Variants in MTUS2 observed in about 807,000 individuals in gnomAD.
MTUS2 encodes microtubule associated scaffold protein 2, also known as microtubule-associated tumor suppressor candidate 2.
In MTUS2, 40 loss-of-function variants were observed where a neutral mutation model predicts 114.1. The ratio of observed to expected loss-of-function variants is 0.35; its 90% CI spans 0.27 to 0.46. The LOEUF (loss-of-function observed/expected upper bound fraction) is 0.46, where lower values mean the gene tolerates loss of function less well. MTUS2 is among the 20% of genes least tolerant of loss of function. The probability of loss-of-function intolerance (pLI) is 1.00; values close to 1 mark genes in which losing one functional copy is unlikely to be tolerated. For synonymous variants in MTUS2, 688 were observed against 672.0 expected (o/e 1.02, Z -0.37); for missense variants, 1,679 against 1,705.4 (o/e 0.98, Z 0.27).
chr13:29,368,677 C>T (rs1359777055), intron 8 of MTUS2, among the ~76,000 whole-genome samples: 1 of 152,206 alleles, frequency 6.6e-6, no homozygotes, highest in Non-Finnish European at 1.5e-5. Flanking sequence ...TACCATCCTG[C>T]ATCCCTCCAG....
chr13:29,031,269 T>TGTGTGTGTGTGTGTGTGTGTGTGTGTGG (rs1223710633), intron 3 of MTUS2, among the ~76,000 whole-genome samples: 1 of 128,100 alleles, frequency 7.8e-6, no homozygotes. Context: ...TGTGTGTGTG[T>TGTGTGTGTGTGTGTGTGTGTGTGTGTGG]GGTGTGTGTT....
intron 8 of MTUS2, among the ~76,000 whole-genome samples, chr13:29,360,497 A>G (rs1417613451): frequency 6.6e-6 from 1 of 152,096 alleles, no homozygotes; most frequent in African/African-American, 2.4e-5. Flanking sequence ...CCATTTATCA[A>G]TCTGTTGTGG....
chr13:28,995,567 T>C (rs1419479650), intron 2 of MTUS2, among the ~76,000 whole-genome samples: 2 of 152,120 alleles, frequency 1.3e-5, no homozygotes, highest in Non-Finnish European at 2.9e-5. Flanking sequence ...GTATACTCTT[T>C]TATTTCATTG....
At chr13:29,020,750 T>C (rs1886258282) in intron 2 of MTUS2, among the ~76,000 whole-genome samples, 1 of 152,128 alleles carries the variant, frequency 6.6e-6, no homozygotes. Flanking sequence ...TCTTTACAGC[T>C]TCTGCTTTCT....
chr13:29,110,268 A>G (rs1025042060), intron 5 of MTUS2, among the ~76,000 whole-genome samples: 2 of 152,220 alleles, frequency 1.3e-5, no homozygotes, highest in African/African-American at 4.8e-5. Context: ...TGCCTTTTCA[A>G]TATCTGTTGG....
chr13:29,180,493 A>G (rs1447555250), intron 5 of MTUS2, among the ~76,000 whole-genome samples: 1 of 152,224 alleles, frequency 6.6e-6, no homozygotes, highest in African/African-American at 2.4e-5. Flanking sequence ...AAGGTCACTC[A>G]ATTTGGAAAA....
chr13:28,984,674 C>T (rs1461980632), intron 2 of MTUS2, among the ~76,000 whole-genome samples: 1 of 152,190 alleles, frequency 6.6e-6, no homozygotes, highest in Non-Finnish European at 1.5e-5. Context: ...TAAAGGAGAT[C>T]CTCAATACTT....
chr13:29,137,169 A>G (rs1327671323), intron 5 of MTUS2, among the ~76,000 whole-genome samples: 2 of 152,154 alleles, frequency 1.3e-5, no homozygotes, highest in African/African-American at 2.4e-5. Flanking sequence ...CACATTGACT[A>G]TATCAACCCA....
chr13:29,050,722 GT>G (rs1396118539), intron 4 of MTUS2, among the ~76,000 whole-genome samples: 3 of 152,218 alleles, frequency 2.0e-5, no homozygotes, highest in Admixed American at 1.3e-4. Context: ...TCTGCCTCAT[GT>G]CTTGAAAAGC....
At chr13:29,412,132 C>G (rs888664780) in intron 8 of MTUS2, among the ~76,000 whole-genome samples, 1 of 152,196 alleles carries the variant, frequency 6.6e-6, no homozygotes, top group Non-Finnish European at 1.5e-5. Context: ...TGGTGGCAGA[C>G]AGTAGGAATC....
chr13:29,125,879 T>C (rs1326182234), intron 5 of MTUS2, among the ~76,000 whole-genome samples: 1 of 152,206 alleles, frequency 6.6e-6, no homozygotes, highest in African/African-American at 2.4e-5. Context: ...GTTTGAGGCA[T>C]CCCCTTACTG....
intron 2 of MTUS2, among the ~76,000 whole-genome samples, chr13:29,015,997 T>A (rs961258680): frequency 6.6e-6 from 1 of 152,122 alleles, no homozygotes; most frequent in Non-Finnish European, 1.5e-5. Context: ...CTCCGCCTCC[T>A]GGGTTCAAGC....
At chr13:28,909,627 G>A (rs1188398594) in intron 2 of MTUS2, among the ~76,000 whole-genome samples, 3 of 152,186 alleles carry the variant, frequency 2.0e-5, no homozygotes, top group Non-Finnish European at 4.4e-5. Context: ...ACAAGACAGG[G>A]ATGCCCTCTG....
intron 5 of MTUS2, among the ~76,000 whole-genome samples, chr13:29,235,394 A>T (rs992820297): frequency 1.3e-5 from 2 of 152,178 alleles, no homozygotes; most frequent in African/African-American, 4.8e-5. Flanking sequence ...CACCCGGCCA[A>T]TAATGGTAAT....
intron 2 of MTUS2, among the ~76,000 whole-genome samples, chr13:28,983,079 A>C (rs1884429586): frequency 6.6e-6 from 1 of 152,208 alleles, no homozygotes; most frequent in South Asian, 2.1e-4. Flanking sequence ...GAAAAATTCA[A>C]GGGGTGTGAG....
intron 2 of MTUS2, among the ~76,000 whole-genome samples, chr13:28,866,061 G>C (rs1211044378): frequency 6.6e-6 from 1 of 152,132 alleles, no homozygotes; most frequent in Non-Finnish European, 1.5e-5. Flanking sequence ...GGGGAGGGCT[G>C]TTCACTGATG....
At position 29,023,823 on chromosome 13, in the gene MTUS2, T is replaced by C. The variant is rs186961055; in HGVS notation, c.-242-634T>C. On this transcript the variant is annotated intron_variant, in intron 2 of 15. Coordinates refer to ENST00000612955, the MANE Select transcript of MTUS2 (RefSeq NM_001033602.4). ...TAAATTCTGGTTGAACATTAACTAC[T>C]GCATAGGTGATGTGTGGCCCTGAGA... Among the ~76,000 whole-genome samples, 135 of 152,342 alleles carry C rather than the reference T, an allele frequency of 8.9e-4. 1 individual carries two copies. The highest frequency in any genetic ancestry group is 3.0e-3 in the African/African-American group (125 of 41,572).
chr13:29,468,021 A>AGGT (rs1424181046), intron 9 of MTUS2, among the ~76,000 whole-genome samples: 1 of 151,920 alleles, frequency 6.6e-6, no homozygotes, highest in Non-Finnish European at 1.5e-5. Context: ...GTGGGAGATG[A>AGGT]GGTGGGAGGA....
intron 6 of MTUS2, among the ~76,000 whole-genome samples, chr13:29,285,892 AT>A (rs1039193245): frequency 2.4e-4 from 37 of 152,226 alleles, no homozygotes; most frequent in African/African-American, 8.9e-4. Flanking sequence ...TATTGGGAAA[AT>A]GTGAACACTG....
Sources: allele counts gnomAD v4.1 joint callset (sites outside exome capture counted in the v4.1 genomes callset), GRCh38; gene constraint gnomAD v4.1.1; transcripts MANE v1.5; gene names NCBI Gene and HGNC (gene_info 2026-07-23, HGNC 2026-07-21).